The following MIER3 variants were observed in gnomAD, a reference collection of about 807,000 sequenced individuals.
MIER3 encodes the protein mesoderm induction early response protein 3.
MIER3 carries 9 observed loss-of-function variants against 63.2 expected under a neutral mutation model. The observed-to-expected ratio is 0.14, with a 90% CI of 0.09 to 0.25. The LOEUF is 0.25. Among genes scored for constraint, MIER3 ranks in the 10% least tolerant of loss-of-function variants. MIER3 has a pLI of 1.00. For missense variants in MIER3, 512 were observed against 666.2 expected, an observed-to-expected ratio of 0.77 and a Z score of 2.55; for synonymous variants, 205 against 224.9, an observed-to-expected ratio of 0.91 and a Z score of 0.79.
chr5:56,932,976 T>C (rs1161533197), intron 8 of MIER3, among the ~76,000 whole-genome samples: 1 of 152,022 alleles, frequency 6.6e-6, no homozygotes, highest in Non-Finnish European at 1.5e-5. Context: ...CAAAGGAGAA[T>C]AAGATTAATT....
At chr5:56,952,184 A>C, upstream of MIER3, 1 of 1,097,566 alleles carries the variant, frequency 9.1e-7, no homozygotes, top group Non-Finnish European at 1.1e-6. Context: ...CGCCGCCGCC[A>C]CCGCCGCGGT....
At chr5:56,939,093 A>C in intron 3 of MIER3, 76 bp from the exon 4 acceptor site, 3 of 1,439,910 alleles carry the variant, frequency 2.1e-6, no homozygotes. Context: ...TACTGTCCTT[A>C]GGTTCAGAAA....
intron 2 of MIER3, among the ~76,000 whole-genome samples, chr5:56,947,843 T>C (rs1750878846): frequency 6.6e-6 from 1 of 152,204 alleles, no homozygotes; most frequent in Non-Finnish European, 1.5e-5. Context: ...AACTATAATA[T>C]CTTTTAATAG....
At chr5:56,951,527 G>C (rs1751029606) in intron 1 of MIER3, among the ~76,000 whole-genome samples, 1 of 152,112 alleles carries the variant, frequency 6.6e-6, no homozygotes, top group East Asian at 1.9e-4. Context: ...GGGGAGTCCC[G>C]CTCTTCTGAG....
At chr5:56,948,597 A>G (rs1750909456) in intron 2 of MIER3, among the ~76,000 whole-genome samples, 1 of 152,140 alleles carries the variant, frequency 6.6e-6, no homozygotes, top group Non-Finnish European at 1.5e-5. Context: ...TGAACCTGGG[A>G]GGTCGAGGCT....
chr5:56,940,603 C>T (rs899210696), intron 3 of MIER3, among the ~76,000 whole-genome samples: 3 of 152,242 alleles, frequency 2.0e-5, no homozygotes, highest in African/African-American at 7.2e-5. Context: ...CAGTAGTAGA[C>T]ATACGCCTTT....
In MIER3 at chr5:56,923,556, C is replaced by T. The variant is rs760623869; in HGVS notation, c.1225G>A (p.Asp409Asn). The T allele has an allele frequency of 2.2e-5, 36 of 1,613,790 alleles. No homozygotes were observed. Among genetic ancestry groups the T allele is most frequent in the Middle Eastern group, 3.3e-4 (2 of 6,082 alleles). ...TCCAAACAATTCACATCTGTGGGGT[C>T]GCAGACGGTTGCTACACTGTTGGTC... ...ALTNSVATVC[D>N]PTDVNCLDDS... Residue 409 changes from aspartate (D) to asparagine (N), a missense_variant, in exon 13 of 13, where the codon GAC becomes AAC. Physicochemically the swap from Asp to Asn is conservative, Grantham distance 23. This residue lies in a region of MIER3 where 218 missense variants were observed against 251.2 expected (regional missense o/e 0.87). Transcript: ENST00000381199.
rs1750544142 is a variant in MIER3 at position 56,938,909 on chromosome 5, C to T, written c.289G>A (p.Glu97Lys). ...TTGTCTAGTGTCATGTCTGGTAGTT[C>T]ATCTGCCAGTTCACTTGGGGAACTA... ...ANSSPSELAD[E>K]LPDMTLDKEE... Residue 97 changes from glutamate to lysine, a missense_variant, in exon 4 of 13, where the codon GAA (glutamate) becomes AAA (lysine). Around this residue, in one of 5 missense-constraint regions of MIER3, gnomAD observed 44 missense variants for 87.6 expected, o/e 0.50. Transcript: ENST00000381199. 6.2e-7 allele frequency: 1 copy of T among 1,614,010 alleles called. No homozygotes were observed. The highest frequency in any genetic ancestry group is 8.5e-7 in the Non-Finnish European group (1 of 1,179,936).
intron 2 of MIER3, 58 bp downstream of exon 2, chr5:56,950,570 C>A: frequency 6.4e-7 from 1 of 1,571,244 alleles, no homozygotes; most frequent in Non-Finnish European, 8.7e-7. Flanking sequence ...TAGCAACAGA[C>A]CTTTGAGCCC....
chr5:56,935,810 T>A, intron 5 of MIER3, 59 bp from the exon 6 acceptor site: 8 of 1,281,382 alleles, frequency 6.2e-6, no homozygotes, highest in Non-Finnish European at 9.0e-6. Flanking sequence ...CCTGGAAGAA[T>A]GCCTGTTGTA....
At chr5:56,949,918 T>C (rs976775270) in intron 2 of MIER3, among the ~76,000 whole-genome samples, 1 of 152,162 alleles carries the variant, frequency 6.6e-6, no homozygotes, top group Non-Finnish European at 1.5e-5. Context: ...GAAAGGTCCT[T>C]ATGGACCTGC....
chr5:56,923,213 TC>T lies in MIER3; in HGVS notation c.1567del (p.Asp523ThrfsTer52), dbSNP rs1303144954. On this transcript the variant is annotated frameshift_variant, in exon 13 of 13. Coordinates refer to ENST00000381199, the MANE Select transcript of MIER3 (RefSeq NM_001297599.2). LOFTEE classifies it high-confidence loss of function. ...CTCGTTGGCAGAGAGACTGCCAAAG[TC>T]AGCCACAGAAACAGCCATTTTGGCA... The part of the protein sequence containing the change: ...TSAKMAVSVA[D>X]FGSLSANETN... 6.2e-7 allele frequency: 1 copy of T among 1,614,062 alleles called. No individual in the cohort carries two copies. The highest frequency in any genetic ancestry group is 8.5e-7 in the Non-Finnish European group (1 of 1,180,002).
intron 3 of MIER3, among the ~76,000 whole-genome samples, chr5:56,943,697 C>G (rs1022119085): frequency 1.3e-5 from 2 of 152,190 alleles, no homozygotes; most frequent in African/African-American, 4.8e-5. Flanking sequence ...CACAAATGAA[C>G]TCTCTTTGAG....
At chr5:56,947,987 A>G (rs1750883376) in intron 2 of MIER3, among the ~76,000 whole-genome samples, 3 of 152,226 alleles carry the variant, frequency 2.0e-5, no homozygotes, top group African/African-American at 7.2e-5. Context: ...ATCCAATTCA[A>G]TTAGACCCGT....
intron 3 of MIER3, among the ~76,000 whole-genome samples, chr5:56,945,130 G>A (rs938674103): frequency 7.2e-5 from 11 of 152,138 alleles, no homozygotes; most frequent in Non-Finnish European, 2.9e-5. Flanking sequence ...CATCAAGGGG[G>A]TAATTATGTA....
At chr5:56,951,705 GGC>G (rs1751039327) in intron 1 of MIER3, among the ~76,000 whole-genome samples, 1 of 138,468 alleles carries the variant, frequency 7.2e-6, no homozygotes, top group Non-Finnish European at 1.6e-5. Context: ...GCGGAGGGGG[GGC>G]TCCGCCGGTT....
intron 2 of MIER3, among the ~76,000 whole-genome samples, chr5:56,950,251 G>A (rs1750972147): frequency 6.6e-6 from 1 of 152,168 alleles, no homozygotes; most frequent in African/African-American, 2.4e-5. Context: ...AGTAGTCCCA[G>A]AGTTCTGACA....
intron 4 of MIER3, among the ~76,000 whole-genome samples, chr5:56,937,903 A>G (rs1366435955): frequency 1.3e-5 from 2 of 151,282 alleles, no homozygotes; most frequent in Non-Finnish European, 2.9e-5. Flanking sequence ...AATGATAATC[A>G]GTGCAACCAT....
chr5:56,928,681 C>CT, intron 10 of MIER3, 86 bp downstream of exon 10: 3 of 945,906 alleles, frequency 3.2e-6, no homozygotes, highest in African/African-American at 1.7e-5. Context: ...GTAAGTTGTT[C>CT]TTTTTTCCTA....
Sources: allele counts gnomAD v4.1 joint callset (sites outside exome capture counted in the v4.1 genomes callset), GRCh38; gene constraint gnomAD v4.1.1; regional missense constraint gnomAD v4.1.1; transcripts MANE v1.5; gene names NCBI Gene and HGNC (gene_info 2026-07-23, HGNC 2026-07-21).